The following PCYOX1 variants were observed in gnomAD, a reference collection of about 807,000 sequenced individuals.
PCYOX1 encodes prenylcysteine lyase.
In PCYOX1, 46 loss-of-function variants were observed where a neutral mutation model predicts 46.4. The ratio of observed to expected loss-of-function variants is 0.99; its 90% confidence interval spans 0.78 to 1.27. The LOEUF (loss-of-function observed/expected upper bound fraction) is 1.27. Among genes scored for constraint, PCYOX1 ranks in the 50% most tolerant of loss-of-function variants. PCYOX1 has a pLI of 0.00. For missense variants in PCYOX1, 658 were observed against 628.3 expected (o/e 1.05, Z -0.51); for synonymous variants, 220 against 231.8 (o/e 0.95, Z 0.46).
At chr2:70,258,299 G>T in intron 1 of PCYOX1, 23 bp downstream of exon 1, 4 of 1,513,612 alleles carry the variant, frequency 2.6e-6, no homozygotes, top group East Asian at 2.5e-5. Context: ...GGGGCGGCGC[G>T]GGAAGGTGCT....
rs1167192365 is a variant in PCYOX1 at position 70,258,270 on chromosome 2, A to G, written c.106A>G (p.Lys36Glu). 3 of 1,584,776 alleles carry G rather than the reference A, an allele frequency of 1.9e-6. No individual in the cohort carries two copies. In the South Asian group the frequency reaches 3.3e-5, roughly 18 times the overall value. ...EGAELRAPPD[K>E]IAIIGAGIGG... ...CGCCGAGCTGCGTGCTCCGCCAGATAAAATCGGTAGGCGAGAAGGGGGCGG... is the reference window on the plus strand; with the variant it reads ...CGCCGAGCTGCGTGCTCCGCCAGATGAAATCGGTAGGCGAGAAGGGGGCGG... The change falls in exon 1 of 6, where the codon AAA becomes GAA. Residue 36 changes from lysine to glutamate, a missense_variant. Lys to Glu is a moderately conservative substitution (Grantham distance 56). Coordinates refer to ENST00000433351, the MANE Select transcript of PCYOX1 (RefSeq NM_016297.4).
At position 70,278,795 on chromosome 2, in the gene PCYOX1, G is replaced by C. The variant is rs886239715; in HGVS notation, c.*1403G>C. The C allele has an allele frequency of 2.0e-5, 3 of 152,178 alleles. No homozygotes were observed. Among genetic ancestry groups the C allele is most frequent in the African/African-American group, 7.2e-5 (3 of 41,458 alleles). 9.4% of individuals were successfully genotyped at this position (152,178 alleles called of 1,614,324 possible). A position where few individuals can be genotyped will look rare whatever the true frequency, so the allele number is the denominator to read the frequency against. ...TACTGTGCAAAGATCATGATTAACT[G>C]TCAAGACACTGGTAGAACAGAACAA... On this transcript the variant is annotated 3_prime_UTR_variant, in exon 6 of 6. Coordinates refer to ENST00000433351, the MANE Select transcript of PCYOX1 (RefSeq NM_016297.4).
At position 70,276,776 on chromosome 2, in the gene PCYOX1, C is replaced by T. The variant is rs558104256; in HGVS notation, c.902C>T (p.Thr301Ile). 49 of 1,608,108 alleles carry T rather than the reference C, an allele frequency of 3.0e-5. No homozygotes were observed. The highest frequency in any genetic ancestry group is 4.2e-5 in the Non-Finnish European group (49 of 1,177,144). The part of the protein sequence containing the change: ...KMYEVVYQIG[T>I]ETRSDFYDIV... ...TATGAAGTGGTCTACCAAATTGGAACTGAGACTCGTTCAGACTTCTATGAC... is the reference window on the plus strand; with the variant it reads ...TATGAAGTGGTCTACCAAATTGGAATTGAGACTCGTTCAGACTTCTATGAC... The change falls in exon 6 of 6, where the codon ACT becomes ATT. Residue 301 changes from threonine to isoleucine, a missense_variant. Physicochemically the swap from Thr to Ile is moderately conservative, Grantham distance 89. Transcript: ENST00000433351.
intron 3 of PCYOX1, among the ~76,000 whole-genome samples, chr2:70,268,086 G>C (rs910865080): frequency 2.0e-5 from 3 of 152,112 alleles, no homozygotes; most frequent in Non-Finnish European, 2.9e-5. Context: ...TGGGATTACA[G>C]GTGTGAGCCA....
chr2:70,269,334 A>ATTTTTTTTTTTTT (rs745493965), intron 3 of PCYOX1, among the ~76,000 whole-genome samples: 24 of 131,700 alleles, frequency 1.8e-4, no homozygotes, highest in African/African-American at 6.6e-4. Flanking sequence ...TGCCCAGCTA[A>ATTTTTTTTTTTTT]TTTTTTTTTT....
chr2:70,259,821 C>T (rs1559033140), intron 2 of PCYOX1, among the ~76,000 whole-genome samples: 1 of 151,498 alleles, frequency 6.6e-6, no homozygotes, highest in African/African-American at 2.4e-5. Flanking sequence ...CTGCCATTGT[C>T]TTTTTTTTTC....
intron 3 of PCYOX1, among the ~76,000 whole-genome samples, chr2:70,267,843 G>A (rs1696549944): frequency 1.3e-5 from 2 of 152,034 alleles, no homozygotes; most frequent in Non-Finnish European, 2.9e-5. Flanking sequence ...ACAGAGTCTT[G>A]CTCTGTCACC....
At chr2:70,260,116 C>G (rs2464697) in intron 2 of PCYOX1, among the ~76,000 whole-genome samples, 231 of 152,256 alleles carry the variant, frequency 1.5e-3, no homozygotes, top group Middle Eastern at 6.8e-3. Flanking sequence ...TGCCCGGCCT[C>G]TGTTGTCTGT....
intron 3 of PCYOX1, among the ~76,000 whole-genome samples, chr2:70,269,749 G>A (rs1348312367): frequency 1.3e-5 from 2 of 152,038 alleles, no homozygotes; most frequent in African/African-American, 2.4e-5. Flanking sequence ...ACGTGGACAC[G>A]TGCCCTCAGG....
intron 1 of PCYOX1, among the ~76,000 whole-genome samples, chr2:70,258,647 T>A (rs1696384280): frequency 6.6e-6 from 1 of 152,192 alleles, no homozygotes; most frequent in Non-Finnish European, 1.5e-5. Context: ...GTGTTCTGGC[T>A]TGACCTGGGG....
In PCYOX1 at chr2:70,275,601, C is replaced by G. The variant is rs754154463; in HGVS notation, c.794C>G (p.Ser265Cys). ...GTTTGCTCAGGGCTTCTGCAGGCATCCAAAAGCAATCTTATATCTGGCTCA... is the reference window on the plus strand; with the variant it reads ...GTTTGCTCAGGGCTTCTGCAGGCATGCAAAAGCAATCTTATATCTGGCTCA... ...KLVCSGLLQA[S>C]KSNLISGSVM... is the part of the protein sequence containing the mutation. The change falls in exon 5 of 6, where the codon TCC becomes TGC. Residue 265 changes from serine to cysteine, a missense_variant. By Grantham distance (112) the Ser-to-Cys change is moderately radical. Transcript: ENST00000433351. 6.2e-7 allele frequency: 1 copy of G among 1,613,930 alleles called. No homozygotes were observed. Among genetic ancestry groups the G allele is most frequent in the Non-Finnish European group, 8.5e-7 (1 of 1,179,884 alleles).
At chr2:70,271,205 C>G (rs911678060) in intron 3 of PCYOX1, among the ~76,000 whole-genome samples, 1 of 150,384 alleles carries the variant, frequency 6.6e-6, no homozygotes, top group Non-Finnish European at 1.5e-5. Context: ...ATAGCTGGGA[C>G]TACAGGCATG....
At chr2:70,261,729 A>G (rs192979333) in intron 3 of PCYOX1, among the ~76,000 whole-genome samples, 1 of 152,288 alleles carries the variant, frequency 6.6e-6, no homozygotes, top group Non-Finnish European at 1.5e-5. Context: ...GAGGTTTTAA[A>G]AGGCAAGTTC....
At chr2:70,267,740 T>C (rs1696547124) in intron 3 of PCYOX1, among the ~76,000 whole-genome samples, 1 of 146,634 alleles carries the variant, frequency 6.8e-6, no homozygotes, top group South Asian at 2.1e-4. Context: ...ATGGCAGCAG[T>C]ACAGTCCAGC....
chr2:70,270,618 G>T (rs1209936913), intron 3 of PCYOX1, among the ~76,000 whole-genome samples: 1 of 152,136 alleles, frequency 6.6e-6, no homozygotes, highest in Admixed American at 6.5e-5. Flanking sequence ...CCAGGTGTTT[G>T]CCTGGTTTGC....
intron 3 of PCYOX1, 60 bp from the exon 4 acceptor site, chr2:70,274,899 T>A: frequency 3.8e-6 from 4 of 1,051,108 alleles, no homozygotes; most frequent in Middle Eastern, 4.1e-4. Context: ...TTCCCTTCTT[T>A]ATACATCCCC....
Position 70,275,206 on chromosome 2 carries a change from T to C in PCYOX1, c.706+36T>C, listed in dbSNP as rs756571921. 2.0e-6 allele frequency: 3 copies of C among 1,500,262 alleles called. No homozygotes were observed. In the East Asian group the frequency reaches 6.8e-5, roughly 34 times the overall value. 92.9% of individuals were successfully genotyped at this position (1,500,262 alleles called of 1,614,324 possible). A position where few individuals can be genotyped will look rare whatever the true frequency, so the allele number is the denominator to read the frequency against. ...GCTTGAAACAGTGGTGGACATTAGT[T>C]CACAGAGGGGCTTACCTGATGCTAT... On this transcript the variant is annotated intron_variant, in intron 4 of 5. Transcript: ENST00000433351.
In PCYOX1 at chr2:70,275,150, C is replaced by T. The variant is rs199918295; in HGVS notation, c.686C>T (p.Thr229Met). The change falls in exon 4 of 6, where the codon ACG becomes ATG. Residue 229 changes from threonine to methionine, a missense_variant. Coordinates refer to ENST00000433351, the MANE Select transcript of PCYOX1 (RefSeq NM_016297.4). ...PVMRVNYGQS[T>M]DINAFVGAVS... Reference sequence around the variant, plus strand: ...ATGAGGGTCAATTATGGCCAAAGCACGGACATCAATGCCTTTGTGGGTAAG... The same window carrying T: ...ATGAGGGTCAATTATGGCCAAAGCATGGACATCAATGCCTTTGTGGGTAAG... 9.5e-5 allele frequency: 154 copies of T among 1,613,572 alleles called. 2 individuals carry two copies. The highest frequency in any genetic ancestry group is 8.3e-4 in the South Asian group (76 of 91,076).
intron 3 of PCYOX1, among the ~76,000 whole-genome samples, chr2:70,263,163 G>A (rs768284610): frequency 2.0e-5 from 3 of 151,940 alleles, no homozygotes; most frequent in African/African-American, 2.4e-5. Context: ...GAACCTGGGA[G>A]GCAGAGGTTG....
Sources: allele counts gnomAD v4.1 joint callset (sites outside exome capture counted in the v4.1 genomes callset), GRCh38; gene constraint gnomAD v4.1.1; transcripts MANE v1.5; gene names NCBI Gene and HGNC (gene_info 2026-07-23, HGNC 2026-07-21).